The following CACNA1D variants were observed in gnomAD, a reference collection of about 807,000 sequenced individuals.
CACNA1D encodes the protein voltage-dependent L-type calcium channel subunit alpha-1D.
Under a neutral mutation model 257.1 loss-of-function variants are expected in CACNA1D, and 55 were observed. That is an observed-to-expected ratio of 0.21 (90% CI 0.17 to 0.27). The LOEUF is 0.27. Ranked by LOEUF, CACNA1D falls within the 10% of genes least tolerant of loss-of-function variation. The pLI is 1.00. For synonymous variants in CACNA1D, 980 were observed against 1,014.9 expected, an observed-to-expected ratio of 0.97 and a Z score of 0.65; for missense variants, 1,876 against 2,784.0, an observed-to-expected ratio of 0.67 and a Z score of 7.34.
intron 27 of CACNA1D, among the ~76,000 whole-genome samples, 172 bp downstream of exon 27, chr3:53,749,641 G>A (rs947093515): frequency 1.3e-5 from 2 of 152,198 alleles, no homozygotes; most frequent in African/African-American, 4.8e-5. Context: ...ACTGCTGAGC[G>A]TTAGGTTTCC....
rs572996475 is a variant in CACNA1D at position 53,718,871 on chromosome 3, C to G, written c.1478+483C>G. The G allele has an allele frequency of 1.6e-3, 1,270 of 801,164 alleles. 10 individuals are homozygous for G. The highest frequency in any genetic ancestry group is 0.014 in the African/African-American group (834 of 58,478). 49.6% of individuals were successfully genotyped at this position (801,164 alleles called of 1,614,324 possible). On this transcript the variant is annotated intron_variant, in intron 10 of 47. Coordinates refer to ENST00000350061, the MANE Select transcript of CACNA1D (RefSeq NM_001128840.3). ...TCCTTTGCTCATGGGACCTTCCTAA[C>G]CTCAGGCCTGGCGGTTGGATGACGA...
At chr3:53,610,887 C>T (rs1468257553) in intron 3 of CACNA1D, among the ~76,000 whole-genome samples, 4 of 152,158 alleles carry the variant, frequency 2.6e-5, no homozygotes, top group Non-Finnish European at 5.9e-5. Context: ...CATTTTCCTT[C>T]CATTTGAGGA....
At chr3:53,664,045 C>T (rs537600937) in intron 5 of CACNA1D, among the ~76,000 whole-genome samples, 28 of 152,282 alleles carry the variant, frequency 1.8e-4, no homozygotes, top group Non-Finnish European at 3.1e-4. Flanking sequence ...GGATTACAGG[C>T]GTGAGCTACC....
intron 3 of CACNA1D, among the ~76,000 whole-genome samples, chr3:53,609,422 A>C (rs1476858580): frequency 2.6e-5 from 4 of 151,828 alleles, no homozygotes; most frequent in African/African-American, 4.8e-5. Flanking sequence ...AAAAAAAAAA[A>C]AAAAAAAAAA....
chr3:53,714,430 C>T (rs1412821259), intron 9 of CACNA1D, among the ~76,000 whole-genome samples: 1 of 152,178 alleles, frequency 6.6e-6, no homozygotes, highest in Non-Finnish European at 1.5e-5. Context: ...ATGGCTTTAC[C>T]TTCATGAGTT....
Position 53,651,366 on chromosome 3 carries a change from C to CTTTTTTTTTTTTTTTTTTTTTTT in CACNA1D, c.623+470_623+471insTTTTTTTTTTTTTTTTTTTTTTT, listed in dbSNP as rs779207160. Among the ~76,000 whole-genome samples the CTTTTTTTTTTTTTTTTTTTTTTT allele has an allele frequency of 6.6e-4, 54 of 81,844 alleles. 5 individuals are homozygous for CTTTTTTTTTTTTTTTTTTTTTTT. Among genetic ancestry groups the CTTTTTTTTTTTTTTTTTTTTTTT allele is most frequent in the East Asian group, 2.4e-3 (6 of 2,536 alleles). The allele number at this position is 81,844 out of a possible 152,430, so 53.7% of individuals were successfully genotyped here. A position where few individuals can be genotyped will look rare whatever the true frequency, so the allele number is the denominator to read the frequency against. ...TCCCTTGAGCAAAGCTATTAATTTT[C>CTTTTTTTTTTTTTTTTTTTTTTT]TTTTTTTTTTTTTTTTTTTTTTGCT... is the stretch of plus-strand genomic sequence containing the variant. On this transcript the variant is annotated intron_variant, in intron 4 of 47. Transcript: ENST00000350061.
intron 29 of CACNA1D, among the ~76,000 whole-genome samples, chr3:53,755,992 A>T (rs1157701712): frequency 1.3e-5 from 2 of 152,302 alleles, no homozygotes; most frequent in East Asian, 3.9e-4. Flanking sequence ...GCCTCCTCTC[A>T]GGAGAGCCTT....
chr3:53,614,741 A>G (rs2093619029), intron 3 of CACNA1D, among the ~76,000 whole-genome samples: 1 of 152,200 alleles, frequency 6.6e-6, no homozygotes, highest in Non-Finnish European at 1.5e-5. Context: ...CTTTTGTGTG[A>G]ACTCCTGTGT....
At chr3:53,580,238 T>C (rs2093109047) in intron 3 of CACNA1D, among the ~76,000 whole-genome samples, 1 of 152,180 alleles carries the variant, frequency 6.6e-6, no homozygotes, top group Admixed American at 6.5e-5. Flanking sequence ...ATAAGGTTAG[T>C]GAGGTAAAAA....
rs1051389374 is a variant in CACNA1D, at chr3:53,800,269, T to A, written c.4944T>A (p.His1648Gln). The A allele has an allele frequency of 6.2e-7, 1 of 1,613,664 alleles. No homozygotes were observed. The highest frequency in any genetic ancestry group is 1.3e-5 in the African/African-American group (1 of 74,894). Residue 1648 changes from histidine (H) to glutamine (Q), a missense_variant, in exon 41 of 48, where the codon CAT becomes CAA. By Grantham distance (24) the His-to-Gln change is conservative (BLOSUM62 0). This residue lies in a region of CACNA1D where 160 missense variants were observed against 236.6 expected (regional missense o/e 0.68). Coordinates refer to ENST00000350061, the MANE Select transcript of CACNA1D (RefSeq NM_001128840.3). This position sits in a 1 kb window ranked among gnomAD's most constrained non-coding sequence, Gnocchi z 4.3. ...IALQAGLRTLHDIGPEIRRAI... is the reference protein window; with the variant it reads ...IALQAGLRTLQDIGPEIRRAI... ...TCTAGGCGGGATTAAGGACACTGCA[T>A]GACATTGGGCCAGAAATCCGGCGTG...
At chr3:53,693,570 C>T (rs1276388781) in intron 8 of CACNA1D, among the ~76,000 whole-genome samples, 1 of 151,316 alleles carries the variant, frequency 6.6e-6, no homozygotes, top group Non-Finnish European at 1.5e-5. Flanking sequence ...AATCAAACTA[C>T]ATTTGCATTC....
intron 3 of CACNA1D, among the ~76,000 whole-genome samples, chr3:53,623,308 T>C (rs948146101): frequency 2.0e-5 from 3 of 152,240 alleles, no homozygotes; most frequent in African/African-American, 7.2e-5. Flanking sequence ...AATATTAAAC[T>C]CTAGATGGTG....
chr3:53,541,547 A>C (rs17053156), intron 3 of CACNA1D, among the ~76,000 whole-genome samples: 9 of 152,172 alleles, frequency 5.9e-5, no homozygotes, highest in Non-Finnish European at 8.8e-5. Context: ...TGTGACAGCT[A>C]ACGTGAGGGC....
chr3:53,690,627 G>A (rs767606177), intron 8 of CACNA1D, among the ~76,000 whole-genome samples: 29 of 152,198 alleles, frequency 1.9e-4, no homozygotes, highest in Non-Finnish European at 3.2e-4. Context: ...CTCCTCTCTA[G>A]ATGCAGCTCA....
intron 8 of CACNA1D, among the ~76,000 whole-genome samples, chr3:53,693,449 C>T (rs1402207156): frequency 6.8e-6 from 1 of 147,684 alleles, no homozygotes; most frequent in East Asian, 2.0e-4. Context: ...TGAAACATCA[C>T]ACATTGCTGT....
intron 38 of CACNA1D, 76 bp downstream of exon 38, chr3:53,780,204 T>C (rs1388662583): frequency 1.7e-6 from 2 of 1,206,262 alleles, no homozygotes; most frequent in Non-Finnish European, 1.2e-6. Context: ...CTTCCTCATC[T>C]GGGCCTTTTC....
intron 39 of CACNA1D, among the ~76,000 whole-genome samples, chr3:53,783,471 T>C (rs1343878978): frequency 1.3e-5 from 2 of 152,192 alleles, no homozygotes; most frequent in East Asian, 3.9e-4. Flanking sequence ...GATTGGAGTT[T>C]AGGATGACAG....
At chr3:53,725,599 C>T (rs1334776540) in intron 14 of CACNA1D, among the ~76,000 whole-genome samples, 7 of 152,174 alleles carry the variant, frequency 4.6e-5, no homozygotes, top group Non-Finnish European at 1.0e-4. Context: ...CCTCTCCCCT[C>T]AGTGGAGAGC....
intron 46 of CACNA1D, 54 bp downstream of exon 46, chr3:53,808,824 C>T (rs72556364): frequency 3.2e-6 from 5 of 1,585,186 alleles, no homozygotes; most frequent in Non-Finnish European, 4.3e-6. Context: ...CACATAGGAC[C>T]CCCATCAGGT....
Sources: gnomAD v4.1 joint callset for allele counts (sites outside exome capture counted in the v4.1 genomes callset) on GRCh38, gnomAD v4.1.1 for gene constraint, gnomAD v4.1.1 regional missense constraint, Gnocchi (gnomAD v3.1) non-coding constraint, MANE v1.5 for transcripts, NCBI Gene and HGNC (gene_info 2026-07-23, HGNC 2026-07-21) for gene names.